PKHD1L1: variants seen among roughly 807,000 people sequenced by gnomAD.
PKHD1L1 encodes the protein PKHD1 like 1, also known as fibrocystin-L.
A neutral mutation model predicts 462.9 loss-of-function variants in PKHD1L1; 434 were observed. That is an observed-to-expected ratio of 0.94 (90% CI 0.87 to 1.02). The LOEUF is 1.02. Ranked by LOEUF, PKHD1L1 falls within the 50% of genes least tolerant of loss-of-function variation. The pLI is 0.00. For synonymous variants in PKHD1L1, 1,781 were observed against 1,750.0 expected, an observed-to-expected ratio of 1.02 and a Z score of -0.44; for missense variants, 5,202 against 5,096.1, an observed-to-expected ratio of 1.02 and a Z score of -0.63.
chr8:109,520,878 G>A (rs1328616633), intron 73 of PKHD1L1, among the ~76,000 whole-genome samples: 3 of 152,106 alleles, frequency 2.0e-5, no homozygotes, highest in Middle Eastern at 3.2e-3. Flanking sequence ...AACGGTCAGC[G>A]AGAACCTGTT....
chr8:109,441,202 T>C (rs1206482516), intron 33 of PKHD1L1, 73 bp from the exon 34 acceptor site: 2 of 997,614 alleles, frequency 2.0e-6, no homozygotes, highest in Non-Finnish European at 2.9e-6. Context: ...TTATGCTTCA[T>C]CTCTATAATT....
At chr8:109,424,569 G>T (rs1713816909) in intron 23 of PKHD1L1, among the ~76,000 whole-genome samples, 1 of 151,866 alleles carries the variant, frequency 6.6e-6, no homozygotes, top group South Asian at 2.1e-4. Flanking sequence ...AGCATTTGCT[G>T]CTTCTGTCAA....
intron 2 of PKHD1L1, among the ~76,000 whole-genome samples, chr8:109,369,872 C>T (rs1811409754): frequency 6.6e-6 from 1 of 152,142 alleles, no homozygotes; most frequent in Non-Finnish European, 1.5e-5. Flanking sequence ...AAAGTCAATG[C>T]AAATGTCTCT....
At position 109,362,489 on chromosome 8, in the gene PKHD1L1, G is replaced by A; in HGVS notation, c.-92G>A. On this transcript the variant is annotated 5_prime_UTR_variant, in exon 1 of 78. Coordinates refer to ENST00000378402, the MANE Select transcript of PKHD1L1 (RefSeq NM_177531.6). ...CCCCAGCTCTCCCGGGACGAAGCGG[G>A]CCCGCCAGCGAGTCGCAGTCCCAGG... 1 of 1,293,918 alleles carries A rather than the reference G, an allele frequency of 7.7e-7. No homozygotes were observed. The highest frequency in any genetic ancestry group is 2.5e-5 in the East Asian group (1 of 39,442). 80.2% of individuals were successfully genotyped at this position (1,293,918 alleles called of 1,614,324 possible). A position where few individuals can be genotyped will look rare whatever the true frequency, so the allele number is the denominator to read the frequency against.
At chr8:109,375,830 G>A (rs184117949) in intron 2 of PKHD1L1, among the ~76,000 whole-genome samples, 36 of 152,310 alleles carry the variant, frequency 2.4e-4, no homozygotes, top group African/African-American at 7.5e-4. Flanking sequence ...TTTGTGAACC[G>A]CAGATGCTGC....
rs190058313 is a variant in PKHD1L1, at chr8:109,468,078, A to G, written c.8605+1309A>G. 7.2e-5 allele frequency among the ~76,000 whole-genome samples: 11 copies of G among 152,260 alleles called. No individual in the cohort carries two copies. The East Asian group carries it at 1.9e-3, about 27-fold the overall frequency. On this transcript the variant is annotated intron_variant, in intron 50 of 77. Coordinates refer to ENST00000378402, the MANE Select transcript of PKHD1L1 (RefSeq NM_177531.6). ...GATATTTACAAAGTAGAGACTTGCCATTTAAAAATTTTAAACGATGTATCT... is the reference window on the plus strand; with the variant it reads ...GATATTTACAAAGTAGAGACTTGCCGTTTAAAAATTTTAAACGATGTATCT...
At position 109,530,129 on chromosome 8, in the gene PKHD1L1, G is replaced by T. The variant is rs1355129871; in HGVS notation, c.*39G>T. 7.9e-7 allele frequency: 1 copy of T among 1,264,214 alleles called. No homozygotes were observed. The highest frequency in any genetic ancestry group is 3.4e-5 in the Admixed American group (1 of 29,030). The allele number at this position is 1,264,214 out of a possible 1,614,324, so 78.3% of individuals were successfully genotyped here. On this transcript the variant is annotated 3_prime_UTR_variant, in exon 78 of 78. Transcript: ENST00000378402. The stretch of plus-strand genomic sequence containing the variant: ...AGAATAGGCTGAAACAAAAATATAA[G>T]AATTATTAGCTACTTTGTTGGGCAA...
chr8:109,514,154 C>T (rs762419081), intron 71 of PKHD1L1, among the ~76,000 whole-genome samples: 7 of 152,058 alleles, frequency 4.6e-5, no homozygotes, highest in Admixed American at 2.0e-4. Context: ...GCTACCCTCC[C>T]GGGCCTATGT....
chr8:109,381,592 G>T, intron 3 of PKHD1L1, 78 bp downstream of exon 3: 1 of 1,065,804 alleles, frequency 9.4e-7, no homozygotes, highest in Non-Finnish European at 1.3e-6. Context: ...TATTATAATA[G>T]TTTTATTACC....
chr8:109,482,201 A>G (rs1483234788), intron 56 of PKHD1L1, among the ~76,000 whole-genome samples: 1 of 151,872 alleles, frequency 6.6e-6, no homozygotes, highest in Non-Finnish European at 1.5e-5. Context: ...AGTATGTGCT[A>G]CCATTGTTTT....
chr8:109,448,588 T>C (rs1488351233), intron 39 of PKHD1L1, among the ~76,000 whole-genome samples, 197 bp downstream of exon 39: 2 of 151,808 alleles, frequency 1.3e-5, no homozygotes, highest in Non-Finnish European at 2.9e-5. Flanking sequence ...CTTGGCTCAT[T>C]GCAAGCTCTG....
intron 46 of PKHD1L1, among the ~76,000 whole-genome samples, chr8:109,458,593 G>A (rs1816946216): frequency 6.6e-6 from 1 of 152,124 alleles, no homozygotes; most frequent in Admixed American, 6.6e-5. Context: ...AGAGTGTATT[G>A]AGAATGCAGA....
intron 71 of PKHD1L1, among the ~76,000 whole-genome samples, chr8:109,511,317 T>C (rs1171931698): frequency 1.3e-5 from 2 of 151,268 alleles, no homozygotes; most frequent in Non-Finnish European, 2.9e-5. Context: ...TAGCATTAGG[T>C]ATATCTCCTA....
intron 15 of PKHD1L1, 47 bp from the exon 16 acceptor site, chr8:109,404,946 GAT>G: frequency 2.4e-6 from 3 of 1,256,348 alleles, no homozygotes; most frequent in Non-Finnish European, 3.2e-6. Context: ...ATGCTTTTAA[GAT>G]ATATATATTT....
At chr8:109,383,646 G>T (rs1453986755) in intron 4 of PKHD1L1, among the ~76,000 whole-genome samples, 2 of 151,046 alleles carry the variant, frequency 1.3e-5, no homozygotes, top group South Asian at 4.2e-4. Flanking sequence ...TGCCAAATAC[G>T]ATTCCCAGAT....
rs764478488 is a variant in PKHD1L1 at position 109,413,424 on chromosome 8, T to C, written c.2239T>C (p.Cys747Arg). The change falls in exon 21 of 78, where the codon TGT (cysteine) becomes CGT (arginine). Residue 747 changes from cysteine to arginine, a missense_variant. Cys to Arg is a radical substitution (Grantham distance 180, BLOSUM62 -3). Coordinates refer to ENST00000378402, the MANE Select transcript of PKHD1L1 (RefSeq NM_177531.6). ...DILLFPYNQL[C>R]LAYKGFLANY... ...TGTTTTTCATATTTTTATGTAGTTA[T>C]GTTTAGCATACAAAGGATTCCTGGC... The C allele has an allele frequency of 7.2e-6, 11 of 1,519,246 alleles. No individual in the cohort carries two copies. The East Asian group carries it at 1.6e-4, about 22-fold the overall frequency. The allele number at this position is 1,519,246 out of a possible 1,614,324, so 94.1% of individuals were successfully genotyped here. A position where few individuals can be genotyped will look rare whatever the true frequency, so the allele number is the denominator to read the frequency against.
At position 109,441,380 on chromosome 8, in the gene PKHD1L1, G is replaced by T. The variant is rs748662044; in HGVS notation, c.4204+1G>T. The T allele has an allele frequency of 6.7e-5, 101 of 1,507,136 alleles. No homozygotes were observed. Among genetic ancestry groups the T allele is most frequent in the Non-Finnish European group, 8.8e-5 (97 of 1,098,978 alleles). 93.4% of individuals were successfully genotyped at this position (1,507,136 alleles called of 1,614,324 possible). On this transcript the variant is annotated splice_donor_variant, in intron 34 of 77. Coordinates refer to ENST00000378402, the MANE Select transcript of PKHD1L1 (RefSeq NM_177531.6). LOFTEE classifies it high-confidence loss of function. ...ATTACCAACAATGGGAAAGATTCAG[G>T]TATCAGCCATTTATATACTATGAAA...
chr8:109,487,924 G>GGAAGGAAT (rs1563600539), intron 59 of PKHD1L1, among the ~76,000 whole-genome samples: 2 of 150,056 alleles, frequency 1.3e-5, no homozygotes, highest in African/African-American at 4.9e-5. Context: ...AAGGAAGGAA[G>GGAAGGAAT]GAAGGAAGGA....
At chr8:109,412,126 A>G (rs1036727864) in intron 19 of PKHD1L1, 139 bp from the exon 20 acceptor site, 1 of 765,702 alleles carries the variant, frequency 1.3e-6, no homozygotes, top group African/African-American at 1.8e-5. Flanking sequence ...ATTTCAGACA[A>G]GGAAGAAAAC....
Sources: allele counts gnomAD v4.1 joint callset (sites outside exome capture counted in the v4.1 genomes callset), GRCh38; gene constraint gnomAD v4.1.1; transcripts MANE v1.5; gene names NCBI Gene and HGNC (gene_info 2026-07-23, HGNC 2026-07-21).